The following WDR4 variants were observed in gnomAD, a reference collection of about 807,000 sequenced individuals.
WDR4 encodes the protein WDR4 tRNA N7-guanosine methyltransferase non-catalytic subunit.
Under a neutral mutation model 48.6 loss-of-function variants are expected in WDR4, and 47 were observed. The ratio of observed to expected loss-of-function variants is 0.97; its 90% CI spans 0.77 to 1.23. WDR4 has a LOEUF of 1.23. WDR4 is among the 50% of genes most tolerant of loss of function. The pLI, the probability that WDR4 is intolerant of heterozygous loss-of-function variation, is 0.00. For missense variants in WDR4, 606 were observed against 551.6 expected (o/e 1.10, Z -0.99); for synonymous variants, 268 against 230.0 (o/e 1.17, Z -1.49).
At chr21:42,872,190 G>A (rs1331338149) in intron 3 of WDR4, among the ~76,000 whole-genome samples, 1 of 152,092 alleles carries the variant, frequency 6.6e-6, no homozygotes, top group Non-Finnish European at 1.5e-5. Flanking sequence ...TGCCATGTGG[G>A]CCAGGCTAGT....
Position 42,876,218 on chromosome 21 carries a change from C to CTTTTTTTTTT in WDR4, c.155+474_155+483dup, listed in dbSNP as rs373181618. ...CCGCACCCGGCACTAACACTGTACT[C>CTTTTTTTTTT]TTTTTTTTTTTGGGAGACAGAGTCT... On this transcript the variant is annotated intron_variant, in intron 2 of 10. Coordinates refer to ENST00000398208, the MANE Select transcript of WDR4 (RefSeq NM_018669.6). 3.3e-4 allele frequency among the ~76,000 whole-genome samples: 35 copies of CTTTTTTTTTT among 105,872 alleles called. 2 individuals carry two copies. The highest frequency in any genetic ancestry group is 5.5e-4 in the African/African-American group (14 of 25,636). The allele number at this position is 105,872 out of a possible 152,430, so 69.5% of individuals were successfully genotyped here.
chr21:42,850,233 C>T lies in WDR4; in HGVS notation c.1055G>A (p.Gly352Asp). The T allele has an allele frequency of 6.3e-7, 1 of 1,593,266 alleles. No homozygotes were observed. The highest frequency in any genetic ancestry group is 8.6e-7 in the Non-Finnish European group (1 of 1,168,878). ...GNWAMLEGSA[G>D]ADASFSSLYK... ...GAGACTGCTGAAGCTGGCGTCTGCGCCGGCAGAGCCTGTGATGGGGGAACA... is the reference window on the plus strand; with the variant it reads ...GAGACTGCTGAAGCTGGCGTCTGCGTCGGCAGAGCCTGTGATGGGGGAACA... Residue 352 changes from glycine to aspartate, a missense_variant, in exon 11 of 11, where the codon GGC (glycine) becomes GAC (aspartate). Coordinates refer to ENST00000398208, the MANE Select transcript of WDR4 (RefSeq NM_018669.6).
At chr21:42,883,554 A>G (rs2058621730), upstream of WDR4, 1 of 153,608 alleles carries the variant, frequency 6.5e-6, no homozygotes, top group African/African-American at 2.4e-5. Flanking sequence ...GCAAAATGAG[A>G]GCATCCTGGA....
chr21:42,885,938 C>T, the WDR4 span, among the ~76,000 whole-genome samples: 3 of 151,450 alleles, frequency 2.0e-5, no homozygotes, highest in African/African-American at 7.3e-5. Context: ...TTCAGGCAAT[C>T]CTCCCACCTC....
intron 10 of WDR4, 128 bp from the exon 11 acceptor site, chr21:42,850,370 C>G: frequency 1.2e-6 from 1 of 819,800 alleles, no homozygotes; most frequent in Non-Finnish European, 1.8e-6. Flanking sequence ...GTGGGGGGCG[C>G]CTTCTGGGAC....
intron 2 of WDR4, among the ~76,000 whole-genome samples, chr21:42,874,745 G>C (rs1174300669): frequency 6.6e-6 from 1 of 152,002 alleles, no homozygotes; most frequent in Non-Finnish European, 1.5e-5. Flanking sequence ...TGGTCAGACC[G>C]GTTACTCTCA....
rs942096396 is a variant in WDR4, at chr21:42,863,968, G to A, written c.297-372C>T. 1.1e-4 allele frequency among the ~76,000 whole-genome samples: 9 copies of A among 82,484 alleles called. 3 individuals carry two copies. Among genetic ancestry groups the A allele is most frequent in the African/African-American group, 4.8e-4 (5 of 10,422 alleles). The allele number at this position is 82,484 out of a possible 152,430, so 54.1% of individuals were successfully genotyped here. ...TAAAAATACAAAAAATTAGCCAGGC[G>A]TGGTGGCGGGCGCCTGTAGTCCCAG... On this transcript the variant is annotated intron_variant, in intron 3 of 10. Coordinates refer to ENST00000398208, the MANE Select transcript of WDR4 (RefSeq NM_018669.6).
chr21:42,876,870 G>C (rs2058504760), intron 1 of WDR4, 103 bp from the exon 2 acceptor site: 1 of 1,056,870 alleles, frequency 9.5e-7, no homozygotes, highest in Non-Finnish European at 1.3e-6. Flanking sequence ...CCAGGCTCCA[G>C]TACAATGGCA....
rs1379929964 is a variant in WDR4, at chr21:42,873,676, C to T, written c.171G>A (p.Leu57=). The T allele has an allele frequency of 1.2e-6, 2 of 1,613,870 alleles. No individual in the cohort carries two copies. Among genetic ancestry groups the T allele is most frequent in the African/African-American group, 2.7e-5 (2 of 74,908 alleles). ...SQENKGEDAP[L]DQGSGAILAS... ...CCAGAATCGCACCGCTCCCCTGGTC[C>T]AAGGGCGCGTCCTCCCTGAGGAAGA... Residue 57 remains leucine (L), a synonymous_variant, in exon 3 of 11, where the codon TTG becomes TTA. Transcript: ENST00000398208.
intron 3 of WDR4, among the ~76,000 whole-genome samples, chr21:42,869,665 T>TG (rs977063506): frequency 6.6e-6 from 1 of 150,464 alleles, no homozygotes; most frequent in African/African-American, 2.4e-5. Context: ...ACATAGGATA[T>TG]GGAAAAAAAA....
chr21:42,865,256 T>C (rs575587397), intron 3 of WDR4, among the ~76,000 whole-genome samples: 1 of 152,262 alleles, frequency 6.6e-6, no homozygotes, highest in East Asian at 1.9e-4. Flanking sequence ...TGGGGCAAGA[T>C]TAATCAGAAT....
chr21:42,861,139 G>A (rs535916407), intron 5 of WDR4, among the ~76,000 whole-genome samples: 4 of 151,792 alleles, frequency 2.6e-5, no homozygotes, highest in African/African-American at 9.7e-5. Context: ...GTGAACCCTC[G>A]TCTCTACTAA....
intron 1 of WDR4, chr21:42,879,030 A>G (rs2058566789): frequency 1.9e-6 from 2 of 1,047,994 alleles, no homozygotes; most frequent in Admixed American, 5.5e-5. Context: ...AGTTCTGCAG[A>G]GCGTGTTCGG....
chr21:42,859,782 G>A, intron 5 of WDR4, 60 bp from the exon 6 acceptor site: 1 of 1,508,638 alleles, frequency 6.6e-7, no homozygotes, highest in South Asian at 1.2e-5. Context: ...GGACCGGGAG[G>A]CCTGGGGAGG....
At chr21:42,848,474 GCA>G (rs2057733688), downstream of WDR4, among the ~76,000 whole-genome samples, 2 of 62,458 alleles carry the variant, frequency 3.2e-5, no homozygotes, top group Admixed American at 1.6e-4. Flanking sequence ...ATCACGCGGC[GCA>G]CACCTCACTC....
upstream of WDR4, among the ~76,000 whole-genome samples, chr21:42,883,314 CT>C (rs11340340): frequency 0.28 from 33,074 of 119,340 alleles, 6,194 homozygotes; most frequent in African/African-American, 0.53. Context: ...AGAAGTTACC[CT>C]TTTTTTTTTT....
At position 42,849,582 on chromosome 21, in the gene WDR4, T is replaced by A; in HGVS notation, c.*467A>T. 6.5e-6 allele frequency: 1 copy of A among 155,026 alleles called. No homozygotes were observed. The highest frequency in any genetic ancestry group is 1.4e-5 in the Non-Finnish European group (1 of 69,864). The allele number at this position is 155,026 out of a possible 1,614,324, so 9.6% of individuals were successfully genotyped here. A position where few individuals can be genotyped will look rare whatever the true frequency, so the allele number is the denominator to read the frequency against. Reference sequence around the variant, plus strand: ...GGCAGGCTCAAGCATTCGTGCTGAGTTTCAACAGCCTGTGTGGCGAGCAGC... The same window carrying A: ...GGCAGGCTCAAGCATTCGTGCTGAGATTCAACAGCCTGTGTGGCGAGCAGC... On this transcript the variant is annotated 3_prime_UTR_variant, in exon 11 of 11. Transcript: ENST00000398208.
chr21:42,875,347 C>T (rs867559891), intron 2 of WDR4, among the ~76,000 whole-genome samples: 3 of 152,002 alleles, frequency 2.0e-5, no homozygotes, highest in African/African-American at 7.3e-5. Context: ...GTCAGGAGAT[C>T]GAGACCATCC....
chr21:42,867,901 A>C (rs2058284092), intron 3 of WDR4, among the ~76,000 whole-genome samples: 1 of 152,146 alleles, frequency 6.6e-6, no homozygotes, highest in Non-Finnish European at 1.5e-5. Context: ...AAAGAGAATC[A>C]CACCAGCACA....
Sources: gnomAD v4.1 joint callset for allele counts (sites outside exome capture counted in the v4.1 genomes callset) on GRCh38, gnomAD v4.1.1 for gene constraint, MANE v1.5 for transcripts, NCBI Gene and HGNC (gene_info 2026-07-23, HGNC 2026-07-21) for gene names.